Variants in TASOR2 observed in about 807,000 individuals in gnomAD.
TASOR2 encodes protein TASOR 2.
TASOR2 carries 84 observed loss-of-function variants against 199.5 expected under a neutral mutation model. The observed-to-expected ratio is 0.42, with a 90% CI of 0.35 to 0.50. The LOEUF is 0.50. TASOR2 is among the 20% of genes least tolerant of loss of function. The pLI is 0.02. For synonymous variants in TASOR2, 1,103 were observed against 1,046.6 expected, an observed-to-expected ratio of 1.05 and a Z score of -1.04; for missense variants, 2,796 against 2,835.9, an observed-to-expected ratio of 0.99 and a Z score of 0.32.
chr10:5,749,412 T>G (rs1837698873), exon 15 of TASOR2: 1 of 1,614,130 alleles, frequency 6.2e-7, no homozygotes, highest in African/African-American at 1.3e-5. Context: ...ATTCTCAGCA[T>G]TCTGCCTCCT....
chr10:5,756,514 C>CT, intron 15 of TASOR2, 99 bp from the exon 17 acceptor site: 1 of 1,197,414 alleles, frequency 8.4e-7, no homozygotes, highest in Non-Finnish European at 1.1e-6. Flanking sequence ...TTATGGTTGC[C>CT]TTATTAGACT....
chr10:5,749,878 G>A (rs564622504), exon 15 of TASOR2: 3 of 1,614,184 alleles, frequency 1.9e-6, no homozygotes. Context: ...GCCTTTCCCA[G>A]GACGGTCAGC....
At position 5,748,867 on chromosome 10, in the gene TASOR2, G is replaced by T; in HGVS notation, c.5446G>T (p.Val1816Phe). Residue 1816 changes from valine to phenylalanine, a missense_variant, in exon 15 of 21, where the codon GTC becomes TTC. Around this residue, in one of 3 missense-constraint regions of TASOR2, gnomAD observed 1,941 missense variants for 1,924.9 expected, o/e 1.01. Coordinates refer to ENST00000328090, the Ensembl canonical transcript of TASOR2. This position sits in a 1 kb window ranked among gnomAD's most constrained non-coding sequence, Gnocchi z 5.1. Reference sequence around the variant, plus strand: ...TGAAACCCTAGGCAGAGATGGAGAGGTCGGTGTGAATTCCGACATGCACTA... The same window carrying T: ...TGAAACCCTAGGCAGAGATGGAGAGTTCGGTGTGAATTCCGACATGCACTA... 12 of 1,614,174 alleles carry T rather than the reference G, an allele frequency of 7.4e-6. No homozygotes were observed. The highest frequency in any genetic ancestry group is 1.0e-5 in the Non-Finnish European group (12 of 1,180,036).
exon 15 of TASOR2, chr10:5,749,355 G>A (rs1332692712): frequency 1.9e-6 from 3 of 1,614,254 alleles, no homozygotes; most frequent in African/African-American, 1.3e-5. Flanking sequence ...TAGACCTGGA[G>A]TATCTGCGTT....
At position 5,728,816 on chromosome 10, in the gene TASOR2, A is replaced by G. The variant is rs575797231; in HGVS notation, c.488-1671A>G. Among the ~76,000 whole-genome samples, 30 of 152,300 alleles carry G rather than the reference A, an allele frequency of 2.0e-4. No homozygotes were observed. The South Asian group carries it at 5.8e-3, about 29-fold the overall frequency. ...AGCAATCCATAAAATAAGTACTCCT[A>G]TAACGATTTCAAAGATGAAGAAACT... On this transcript the variant is annotated intron_variant, in intron 10 of 20. Transcript: ENST00000328090.
Position 5,685,662 on chromosome 10 carries a change from G to A in TASOR2, c.-288+487G>A, listed in dbSNP as rs892565234. Among the ~76,000 whole-genome samples, 2 of 152,210 alleles carry A rather than the reference G, an allele frequency of 1.3e-5. No homozygotes were observed. The highest frequency in any genetic ancestry group is 2.9e-5 in the Non-Finnish European group (2 of 68,046). ...AGGGAGGGTCATTTCAGCAGCAAGC[G>A]CAAGCCGCGTTGGGATAACTTGGTG... is the stretch of plus-strand genomic sequence containing the variant. On this transcript the variant is annotated intron_variant, in intron 1 of 20. Transcript: ENST00000328090. The surrounding 1 kb of genome is among the most constrained non-coding windows in gnomAD (Gnocchi z 5.4).
intron 1 of TASOR2, among the ~76,000 whole-genome samples, chr10:5,700,587 C>T (rs114252453): frequency 5.3e-5 from 8 of 152,154 alleles, no homozygotes; most frequent in African/African-American, 1.7e-4. Flanking sequence ...ATATCTTCGC[C>T]GGCATTCATT....
intron 18 of TASOR2, among the ~76,000 whole-genome samples, chr10:5,759,756 C>G (rs1481377649): frequency 1.3e-5 from 2 of 152,216 alleles, no homozygotes; most frequent in Admixed American, 6.5e-5. Context: ...TGTATGTGAC[C>G]TTTGAGGAAC....
intron 17 of TASOR2, 142 bp from the exon 19 acceptor site, chr10:5,758,744 AT>A: frequency 1.6e-6 from 1 of 630,654 alleles, no homozygotes. Context: ...GCCCAACCAC[AT>A]AAGTGACAGT....
chr10:5,735,790 A>G (rs995237943), intron 12 of TASOR2, among the ~76,000 whole-genome samples: 1 of 152,252 alleles, frequency 6.6e-6, no homozygotes, highest in African/African-American at 2.4e-5. Context: ...AAGCCTGAAC[A>G]TGAATTGTCT....
Position 5,706,193 on chromosome 10 carries a change from T to G in TASOR2, c.-287-6630T>G, listed in dbSNP as rs1223404567. Among the ~76,000 whole-genome samples the G allele has an allele frequency of 1.3e-5, 2 of 152,246 alleles. No homozygotes were observed. Among genetic ancestry groups the G allele is most frequent in the Non-Finnish European group, 2.9e-5 (2 of 68,040 alleles). On this transcript the variant is annotated intron_variant, in intron 1 of 20. Transcript: ENST00000328090. This position sits in a 1 kb window ranked among gnomAD's most constrained non-coding sequence, Gnocchi z 4.8. ...TTATCTGGACTCTATTCTGTTCCATTGATCTATATGCATTTTCTTTGTATC... is the reference window on the plus strand; with the variant it reads ...TTATCTGGACTCTATTCTGTTCCATGGATCTATATGCATTTTCTTTGTATC...
chr10:5,728,708 A>T (rs574920513), intron 10 of TASOR2, among the ~76,000 whole-genome samples: 3 of 152,166 alleles, frequency 2.0e-5, no homozygotes, highest in Non-Finnish European at 4.4e-5. Context: ...AACATTACCC[A>T]TGATAATAAC....
rs1195669597 is a variant in TASOR2, at chr10:5,742,302, G to A, written c.2533G>A (p.Glu845Lys). The A allele has an allele frequency of 1.2e-6, 2 of 1,614,148 alleles. No homozygotes were observed. Among genetic ancestry groups the A allele is most frequent in the Non-Finnish European group, 1.7e-6 (2 of 1,180,008 alleles). Residue 845 changes from glutamate to lysine, a missense_variant, in exon 14 of 21, where the codon GAA (glutamate) becomes AAA (lysine). By Grantham distance (56) the Glu-to-Lys change is moderately conservative. Around this residue, in one of 3 missense-constraint regions of TASOR2, gnomAD observed 1,941 missense variants for 1,924.9 expected, o/e 1.01. Coordinates refer to ENST00000328090, the Ensembl canonical transcript of TASOR2. This position sits in a 1 kb window ranked among gnomAD's most constrained non-coding sequence, Gnocchi z 4.2. ...TGAAATTGAGGAGTCCCTTGGTTTG[G>A]AAAAATGTTCTGCAGACTCTCTGTT...
chr10:5,751,353 C>G lies in TASOR2; in HGVS notation c.6606+1326C>G, dbSNP rs1838009129. Among the ~76,000 whole-genome samples, 1 of 152,192 alleles carries G rather than the reference C, an allele frequency of 6.6e-6. No individual in the cohort carries two copies. The highest frequency in any genetic ancestry group is 6.5e-5 in the Admixed American group (1 of 15,278). ...AGTGATACTGAAATTCCACCAGATT[C>G]CTTCTGCATTTATTAGTTGGTATTC... is the stretch of plus-strand genomic sequence containing the variant. On this transcript the variant is annotated intron_variant, in intron 15 of 20. Transcript: ENST00000328090. This position sits in a 1 kb window ranked among gnomAD's most constrained non-coding sequence, Gnocchi z 5.3.
chr10:5,720,973 A>G lies in TASOR2; in HGVS notation c.146+3A>G. 1 of 1,606,290 alleles carries G rather than the reference A, an allele frequency of 6.2e-7. No individual in the cohort carries two copies. ...GGTGCAATGATTCCAACACAGCTGT[A>G]AGTATTAAATGTTATGTCCTTTACT... On this transcript the variant is annotated splice_donor_region_variant and intron_variant, in intron 6 of 20. Transcript: ENST00000328090. The surrounding 1 kb of genome is among the most constrained non-coding windows in gnomAD (Gnocchi z 5.3).
At chr10:5,691,187 C>G (rs1806986323) in intron 1 of TASOR2, among the ~76,000 whole-genome samples, 1 of 123,554 alleles carries the variant, frequency 8.1e-6, no homozygotes, top group Admixed American at 8.6e-5. Context: ...GAGACTCCGT[C>G]TCAAAAAAAA....
chr10:5,761,712 A>C, intron 19 of TASOR2: 1 of 450,462 alleles, frequency 2.2e-6, no homozygotes, highest in Non-Finnish European at 3.9e-6. Flanking sequence ...TCAATACAGT[A>C]TAAGTAGTTA....
exon 15 of TASOR2, chr10:5,746,585 C>T (rs757142349): frequency 1.2e-6 from 2 of 1,614,040 alleles, no homozygotes; most frequent in Admixed American, 1.7e-5. Flanking sequence ...ATTACTCTCA[C>T]CTTTGAAAAA....
At chr10:5,760,827 T>C (rs1465274758) in intron 18 of TASOR2, 1 of 152,508 alleles carries the variant, frequency 6.6e-6, no homozygotes, top group African/African-American at 2.4e-5. Context: ...GAGACAGAAA[T>C]GCTAAAAATT....
Sources: allele counts gnomAD v4.1 joint callset (sites outside exome capture counted in the v4.1 genomes callset), GRCh38; gene constraint gnomAD v4.1.1; regional missense constraint gnomAD v4.1.1; non-coding constraint Gnocchi (gnomAD v3.1); transcripts MANE v1.5; gene names NCBI Gene and HGNC (gene_info 2026-07-23, HGNC 2026-07-21).